Variants in BBS7 observed in about 807,000 individuals in gnomAD.
BBS7 encodes Bardet-Biedl syndrome 7.
Under a neutral mutation model 90.3 loss-of-function variants are expected in BBS7, and 50 were observed. The observed-to-expected ratio is 0.55, with a 90% CI of 0.44 to 0.70. The LOEUF (loss-of-function observed/expected upper bound fraction) is 0.70, where lower values mean the gene tolerates loss of function less well. BBS7 is among the 30% of genes least tolerant of loss of function. The pLI, the probability that BBS7 is intolerant of heterozygous loss-of-function variation, is 0.00. For missense variants in BBS7, 729 were observed against 838.9 expected (o/e 0.87, Z 1.62); for synonymous variants, 235 against 287.4 (o/e 0.82, Z 1.85).
At chr4:121,860,624 T>C (rs1307691190) in intron 4 of BBS7, among the ~76,000 whole-genome samples, 2 of 152,198 alleles carry the variant, frequency 1.3e-5, no homozygotes, top group Non-Finnish European at 2.9e-5. Flanking sequence ...TAATTATCAT[T>C]GGCCATGTCT....
intron 8 of BBS7, among the ~76,000 whole-genome samples, chr4:121,851,247 A>C (rs1370780257): frequency 6.6e-6 from 1 of 152,064 alleles, no homozygotes; most frequent in African/African-American, 2.4e-5. Flanking sequence ...TCATTTCCTA[A>C]CTGTTCATTT....
chr4:121,830,261 C>T (rs1560640189), intron 15 of BBS7, among the ~76,000 whole-genome samples: 1 of 152,034 alleles, frequency 6.6e-6, no homozygotes. Flanking sequence ...ATTAGCCAGG[C>T]GTGGTAGCAC....
At chr4:121,849,041 A>G in intron 8 of BBS7, 113 bp from the exon 9 acceptor site, 1 of 766,090 alleles carries the variant, frequency 1.3e-6, no homozygotes, top group Admixed American at 2.0e-5. Flanking sequence ...ATATTTACTG[A>G]ATGTTTATGT....
intron 12 of BBS7, among the ~76,000 whole-genome samples, chr4:121,842,251 C>CAAAAAAAAA (rs1270788731): frequency 1.5e-5 from 1 of 66,646 alleles, no homozygotes; most frequent in Admixed American, 1.7e-4. Context: ...GACTCCATCT[C>CAAAAAAAAA]AAAAAAAAAA....
intron 5 of BBS7, among the ~76,000 whole-genome samples, chr4:121,856,396 T>C (rs1726671083): frequency 6.6e-6 from 1 of 152,178 alleles, no homozygotes; most frequent in Non-Finnish European, 1.5e-5. Context: ...ATGGAAAAAA[T>C]ATCCATGATC....
At chr4:121,835,728 T>C (rs962174679) in intron 13 of BBS7, among the ~76,000 whole-genome samples, 1 of 152,144 alleles carries the variant, frequency 6.6e-6, no homozygotes, top group African/African-American at 2.4e-5. Context: ...TTTTAAACAG[T>C]AATAAGCTCA....
At chr4:121,845,978 A>T (rs1725993374) in intron 10 of BBS7, among the ~76,000 whole-genome samples, 1 of 152,186 alleles carries the variant, frequency 6.6e-6, no homozygotes, top group Non-Finnish European at 1.5e-5. Flanking sequence ...TAATCTTAAC[A>T]CAGGAATCTT....
At chr4:121,844,961 T>G (rs2149067905) in intron 11 of BBS7, among the ~76,000 whole-genome samples, 1 of 152,334 alleles carries the variant, frequency 6.6e-6, no homozygotes, top group South Asian at 2.1e-4. Context: ...TTCTTAAAAC[T>G]GAAGCCCATC....
Position 121,833,304 on chromosome 4 carries a change from GT to G in BBS7, c.1602del (p.Lys534AsnfsTer8), listed in dbSNP as rs1560642578. 6.2e-7 allele frequency: 1 copy of G among 1,613,960 alleles called. No individual in the cohort carries two copies. Among genetic ancestry groups the G allele is most frequent in the South Asian group, 1.1e-5 (1 of 91,082 alleles). On this transcript the variant is annotated frameshift_variant, in exon 15 of 19. Coordinates refer to ENST00000264499, the MANE Select transcript of BBS7 (RefSeq NM_176824.3). LOFTEE classifies it high-confidence loss of function. ...VVFCLPEVPE[K>X]PPAGECVTFY... The stretch of plus-strand genomic sequence containing the variant: ...AATGTCACACATTCTCCTGCTGGAG[GT>G]TTTTCTGGAACTTCAGGCAGACAAA...
In BBS7 at chr4:121,828,936, C is replaced by T. The variant is rs1438808913; in HGVS notation, c.1677-208G>A. 2.0e-5 allele frequency among the ~76,000 whole-genome samples: 3 copies of T among 151,852 alleles called. No individual in the cohort carries two copies. The East Asian group carries it at 5.8e-4, about 29-fold the overall frequency. Reference sequence around the variant, plus strand: ...TTCTGAATATACTCGTAAAACTAAACAAGATATATGCCTCCTAAAGATGTG... The same window carrying T: ...TTCTGAATATACTCGTAAAACTAAATAAGATATATGCCTCCTAAAGATGTG... On this transcript the variant is annotated intron_variant, in intron 15 of 18. Transcript: ENST00000264499.
chr4:121,868,270 G>A (rs1369494787), intron 1 of BBS7, among the ~76,000 whole-genome samples: 5 of 152,152 alleles, frequency 3.3e-5, no homozygotes, highest in African/African-American at 1.2e-4. Context: ...AAATAGTTGT[G>A]TAAGATGACT....
At chr4:121,851,986 C>T (rs1439697698) in intron 8 of BBS7, among the ~76,000 whole-genome samples, 1 of 152,176 alleles carries the variant, frequency 6.6e-6, no homozygotes, top group Non-Finnish European at 1.5e-5. Context: ...GAAAGTTTCT[C>T]AAAGGGCTGA....
At chr4:121,842,523 T>A (rs1046602808) in intron 12 of BBS7, among the ~76,000 whole-genome samples, 3 of 151,080 alleles carry the variant, frequency 2.0e-5, no homozygotes, top group African/African-American at 7.3e-5. Context: ...TAGTCCCAGC[T>A]ACTTGGAAGG....
chr4:121,827,977 T>C, intron 18 of BBS7, 169 bp downstream of exon 18: 8 of 1,439,278 alleles, frequency 5.6e-6, no homozygotes, highest in Non-Finnish European at 7.3e-6. Flanking sequence ...CTTGACAAAA[T>C]ACAGAAATAT....
At chr4:121,839,461 G>A (rs1007122789) in intron 13 of BBS7, among the ~76,000 whole-genome samples, 170 bp downstream of exon 13, 3 of 152,162 alleles carry the variant, frequency 2.0e-5, no homozygotes, top group African/African-American at 7.2e-5. Context: ...AGCAGAGATT[G>A]TGGTGTGGGC....
chr4:121,851,465 AAGAAAGGG>A (rs1282273082), intron 8 of BBS7, among the ~76,000 whole-genome samples: 1 of 151,412 alleles, frequency 6.6e-6, no homozygotes. Context: ...AAAGAAAGGG[AAGAAAGGG>A]AGAAAGGAAG....
chr4:121,866,668 C>T (rs536266918), intron 2 of BBS7, among the ~76,000 whole-genome samples: 1 of 152,232 alleles, frequency 6.6e-6, no homozygotes, highest in South Asian at 2.1e-4. Context: ...TTCCCAGCAC[C>T]ATTTATTGAA....
rs115765539 is a variant in BBS7 at position 121,850,127 on chromosome 4, A to C, written c.850-1199T>G. On this transcript the variant is annotated intron_variant, in intron 8 of 18. Transcript: ENST00000264499. ...AATCTGTATTTTTTTTTATTTATTT[A>C]TTTCTTTTAAAATAATTGTAGGGAG... Among the ~76,000 whole-genome samples the C allele has an allele frequency of 9.5e-4, 143 of 150,788 alleles. 1 individual carries two copies. Among genetic ancestry groups the C allele is most frequent in the African/African-American group, 3.3e-3 (137 of 41,124 alleles).
At chr4:121,852,242 G>T (rs751321276) in intron 8 of BBS7, among the ~76,000 whole-genome samples, 2 of 152,124 alleles carry the variant, frequency 1.3e-5, no homozygotes, top group African/African-American at 4.8e-5. Context: ...GGTACCACTA[G>T]TAGATAAATT....
Sources: gnomAD v4.1 joint callset for allele counts (sites outside exome capture counted in the v4.1 genomes callset) on GRCh38, gnomAD v4.1.1 for gene constraint, MANE v1.5 for transcripts, NCBI Gene and HGNC (gene_info 2026-07-23, HGNC 2026-07-21) for gene names.